ST7: variants seen among roughly 807,000 people sequenced by gnomAD.
The protein encoded by ST7 is suppressor of tumorigenicity 7 protein.
A neutral mutation model predicts 78.7 loss-of-function variants in ST7; 28 were observed. The observed-to-expected ratio is 0.36, with a 90% CI of 0.26 to 0.49. The LOEUF (loss-of-function observed/expected upper bound fraction) is 0.49, where lower values mean the gene tolerates loss of function less well. ST7 is among the 20% of genes least tolerant of loss of function. The pLI is 0.99. For missense variants in ST7, 418 were observed against 696.0 expected, an observed-to-expected ratio of 0.60 and a Z score of 4.49; for synonymous variants, 247 against 249.6, an observed-to-expected ratio of 0.99 and a Z score of 0.10.
chr7:117,129,906 G>A, intron 4 of ST7, 59 bp downstream of exon 4: 6 of 1,439,570 alleles, frequency 4.2e-6, no homozygotes, highest in Non-Finnish European at 5.8e-6. Context: ...AAAGACAGCA[G>A]CAAATGTTTT....
At chr7:117,009,762 T>G (rs1484870612) in intron 1 of ST7, among the ~76,000 whole-genome samples, 1 of 152,174 alleles carries the variant, frequency 6.6e-6, no homozygotes, top group African/African-American at 2.4e-5. Context: ...AGTTAAAACA[T>G]CAGTGATAGG....
At chr7:117,115,506 C>G (rs988307321) in intron 2 of ST7, among the ~76,000 whole-genome samples, 8 of 152,198 alleles carry the variant, frequency 5.3e-5, no homozygotes, top group Middle Eastern at 3.4e-3. Context: ...AGGCACCCAC[C>G]ACCACGCCTG....
intron 9 of ST7, among the ~76,000 whole-genome samples, chr7:117,160,653 G>GTA (rs1554443282): frequency 0.019 from 2,742 of 147,618 alleles, 59 homozygotes; most frequent in African/African-American, 0.042. Flanking sequence ...GTGTGTGTGT[G>GTA]TATATATATA....
chr7:117,079,968 CTTTTTTTTTTTTTTTTTTT>C (rs34326752), intron 1 of ST7, among the ~76,000 whole-genome samples: 1 of 65,410 alleles, frequency 1.5e-5, no homozygotes, highest in Non-Finnish European at 3.0e-5. Context: ...TTTGTCATTC[CTTTTTTTTTTTTTTTTTTT>C]TTTTTTTTTT....
At chr7:117,174,245 G>A (rs1808203586) in intron 10 of ST7, among the ~76,000 whole-genome samples, 1 of 152,080 alleles carries the variant, frequency 6.6e-6, no homozygotes. Context: ...TTATAGGTGG[G>A]CAGTTTTATT....
chr7:117,082,333 TAAA>T (rs918996191), intron 1 of ST7, among the ~76,000 whole-genome samples: 1 of 152,180 alleles, frequency 6.6e-6, no homozygotes, highest in African/African-American at 2.4e-5. Flanking sequence ...TTATCCATGA[TAAA>T]AACCAGAAAT....
chr7:117,043,264 C>A (rs1418603292), intron 1 of ST7, among the ~76,000 whole-genome samples: 6 of 151,966 alleles, frequency 3.9e-5, no homozygotes, highest in African/African-American at 1.2e-4. Flanking sequence ...TTAAAGCCTC[C>A]CAGTGGAGGA....
At chr7:117,220,609 G>A (rs565481241) in intron 14 of ST7, among the ~76,000 whole-genome samples, 20 of 152,332 alleles carry the variant, frequency 1.3e-4, no homozygotes, top group African/African-American at 4.8e-4. Flanking sequence ...TTATAAGCCT[G>A]AAATAGGAAA....
At position 117,189,362 on chromosome 7, in the gene ST7, G is replaced by A. The variant is rs1809567855; in HGVS notation, c.1120G>A (p.Ala374Thr). Reference protein sequence around the residue: ...PKSATICYTAALLKARAVSDK... With the variant: ...PKSATICYTATLLKARAVSDK... Reference sequence around the variant, plus strand: ...GTCAGCAACAATATGCTACACAGCTGCTTTGCTCAAAGCAAGAGCTGTCTC... The same window carrying A: ...GTCAGCAACAATATGCTACACAGCTACTTTGCTCAAAGCAAGAGCTGTCTC... The change falls in exon 11 of 16, where the codon GCT becomes ACT. Residue 374 changes from alanine (A) to threonine (T), a missense_variant. Transcript: ENST00000323984. 6.2e-7 allele frequency: 1 copy of A among 1,608,974 alleles called. No homozygotes were observed. Among genetic ancestry groups the A allele is most frequent in the Admixed American group, 1.7e-5 (1 of 59,618 alleles).
chr7:116,985,936 G>A (rs896305048), intron 1 of ST7, among the ~76,000 whole-genome samples: 1 of 152,194 alleles, frequency 6.6e-6, no homozygotes, highest in African/African-American at 2.4e-5. Context: ...AGGTTCAAGC[G>A]ACTCTTATGT....
In ST7 at chr7:117,134,205, C is replaced by T; in HGVS notation, c.710+13C>T. 6.2e-7 allele frequency: 1 copy of T among 1,611,462 alleles called. No individual in the cohort carries two copies. The highest frequency in any genetic ancestry group is 8.5e-7 in the Non-Finnish European group (1 of 1,178,542). Reference sequence around the variant, plus strand: ...AATTGTTACCAAAGTAAGTCAAGAACCTGTTGGGTGCCCTACTTCTAACCA... The same window carrying T: ...AATTGTTACCAAAGTAAGTCAAGAATCTGTTGGGTGCCCTACTTCTAACCA... On this transcript the variant is annotated intron_variant, in intron 7 of 15. Coordinates refer to ENST00000323984, the MANE Select transcript of ST7 (RefSeq NM_001369598.1).
At chr7:117,187,072 A>G (rs1245964810) in intron 10 of ST7, among the ~76,000 whole-genome samples, 1 of 152,220 alleles carries the variant, frequency 6.6e-6, no homozygotes, top group Non-Finnish European at 1.5e-5. Flanking sequence ...GTGAAGGGAA[A>G]TTTAGGATCC....
chr7:117,057,342 C>G (rs1221832040), intron 1 of ST7, among the ~76,000 whole-genome samples: 1 of 152,092 alleles, frequency 6.6e-6, no homozygotes, highest in Non-Finnish European at 1.5e-5. Context: ...TTGAAAATTC[C>G]TTAGGTCAAG....
chr7:117,123,876 T>G (rs1803607178), intron 3 of ST7, among the ~76,000 whole-genome samples: 1 of 152,098 alleles, frequency 6.6e-6, no homozygotes, highest in South Asian at 2.1e-4. Context: ...CAAAGTCAAG[T>G]TTAAATTCTC....
chr7:117,121,399 G>C (rs529160626), intron 3 of ST7, among the ~76,000 whole-genome samples: 2 of 152,106 alleles, frequency 1.3e-5, no homozygotes, highest in African/African-American at 2.4e-5. Context: ...ATTGTGCCAA[G>C]AGGTGTCCAG....
At chr7:117,226,723 C>T (rs1311499888) in intron 15 of ST7, among the ~76,000 whole-genome samples, 1 of 152,080 alleles carries the variant, frequency 6.6e-6, no homozygotes, top group Non-Finnish European at 1.5e-5. Context: ...GGAAGGCTTG[C>T]TGTGGGGGAA....
At chr7:117,070,371 T>C (rs915623532) in intron 1 of ST7, among the ~76,000 whole-genome samples, 7 of 152,198 alleles carry the variant, frequency 4.6e-5, no homozygotes, top group Admixed American at 6.5e-5. Context: ...TTCCAAATTA[T>C]ATTTTGTGAA....
At chr7:117,042,442 C>T (rs1219164922) in intron 1 of ST7, among the ~76,000 whole-genome samples, 1 of 152,100 alleles carries the variant, frequency 6.6e-6, no homozygotes, top group Non-Finnish European at 1.5e-5. Flanking sequence ...AAGAGTCATC[C>T]AATTTATACT....
At chr7:117,089,966 T>C (rs1307006003) in intron 1 of ST7, among the ~76,000 whole-genome samples, 1 of 152,202 alleles carries the variant, frequency 6.6e-6, no homozygotes, top group Non-Finnish European at 1.5e-5. Flanking sequence ...GATTGAAATA[T>C]GTTCTGGCCA....
Sources: gnomAD v4.1 joint callset for allele counts (sites outside exome capture counted in the v4.1 genomes callset) on GRCh38, gnomAD v4.1.1 for gene constraint, MANE v1.5 for transcripts, NCBI Gene and HGNC (gene_info 2026-07-23, HGNC 2026-07-21) for gene names.